The following EPC2 variants were observed in gnomAD, a reference collection of about 807,000 sequenced individuals.
EPC2 encodes the protein enhancer of polycomb homolog 2.
A neutral mutation model predicts 92.1 loss-of-function variants in EPC2; 14 were observed. The ratio of observed to expected loss-of-function variants is 0.15; its 90% confidence interval spans 0.10 to 0.24. EPC2 has a LOEUF of 0.24. Ranked by LOEUF, EPC2 falls within the 10% of genes least tolerant of loss-of-function variation. EPC2 has a pLI of 1.00. For synonymous variants in EPC2, 340 were observed against 334.7 expected (o/e 1.02, Z -0.17); for missense variants, 755 against 971.5 (o/e 0.78, Z 2.96).
intron 1 of EPC2, among the ~76,000 whole-genome samples, chr2:148,662,289 C>T (rs1305614638): frequency 6.6e-6 from 1 of 152,088 alleles, no homozygotes; most frequent in African/African-American, 2.4e-5. Flanking sequence ...ACTAGAAATA[C>T]CATTTGACCC....
chr2:148,757,331 G>A (rs1252246635), intron 4 of EPC2, among the ~76,000 whole-genome samples: 2 of 152,142 alleles, frequency 1.3e-5, no homozygotes, highest in African/African-American at 4.8e-5. Flanking sequence ...AGCCGAGATC[G>A]CGCCACTGCA....
intron 1 of EPC2, among the ~76,000 whole-genome samples, chr2:148,653,664 T>TA (rs1170631731): frequency 1.3e-4 from 20 of 152,102 alleles, no homozygotes; most frequent in South Asian, 2.1e-4. Flanking sequence ...GCCTATCTGC[T>TA]ACCTCTCTTA....
chr2:148,733,668 T>A (rs1490808658), intron 2 of EPC2, among the ~76,000 whole-genome samples: 1 of 151,734 alleles, frequency 6.6e-6, no homozygotes, highest in Non-Finnish European at 1.5e-5. Context: ...CCAGCTGTTT[T>A]TTTGTAGTGA....
chr2:148,676,061 CAAT>C (rs1396696049), intron 1 of EPC2, among the ~76,000 whole-genome samples: 1 of 151,962 alleles, frequency 6.6e-6, no homozygotes, highest in African/African-American at 2.4e-5. Context: ...ACAACAACAA[CAAT>C]AACATACTAC....
Position 148,754,039 on chromosome 2 carries a change from T to C in EPC2, c.572T>C (p.Ile191Thr), listed in dbSNP as rs1683129548. Residue 191 changes from isoleucine (I) to threonine (T), a missense_variant, in exon 4 of 14, where the codon ATT (isoleucine) becomes ACT (threonine). Coordinates refer to ENST00000258484, the MANE Select transcript of EPC2 (RefSeq NM_015630.4). Reference protein sequence around the residue: ...KRKNCRGPSLIPQIKQEKRDG... With the variant: ...KRKNCRGPSLTPQIKQEKRDG... ...AAAAACTGCAGGGGGCCATCCCTCA[T>C]TCCTCAGATAAAACAAGAGAAAAGA... 2 of 1,611,630 alleles carry C rather than the reference T, an allele frequency of 1.2e-6. No individual in the cohort carries two copies. The highest frequency in any genetic ancestry group is 1.7e-6 in the Non-Finnish European group (2 of 1,178,870).
At chr2:148,712,534 T>C (rs996424772) in intron 2 of EPC2, among the ~76,000 whole-genome samples, 6 of 152,168 alleles carry the variant, frequency 3.9e-5, no homozygotes, top group Non-Finnish European at 7.4e-5. Context: ...ATTGGAATGT[T>C]GTAGAACAGT....
rs60418586 is a variant in EPC2 at position 148,704,908 on chromosome 2, C to CT, written c.313+14547dup. On this transcript the variant is annotated intron_variant, in intron 2 of 13. Coordinates refer to ENST00000258484, the MANE Select transcript of EPC2 (RefSeq NM_015630.4). ...GTGTATCTTTTTTCTTTTTCTTTTTCTTTTTTTTTTTTCTAATTTTGTTTG... is the reference window on the plus strand; with the variant it reads ...GTGTATCTTTTTTCTTTTTCTTTTTCTTTTTTTTTTTTTCTAATTTTGTTTG... 8.7e-3 allele frequency among the ~76,000 whole-genome samples: 1,259 copies of CT among 144,336 alleles called. 8 individuals carry two copies. Among genetic ancestry groups the CT allele is most frequent in the African/African-American group, 0.028 (1,109 of 39,586 alleles). 94.7% of individuals were successfully genotyped at this position (144,336 alleles called of 152,430 possible). A position where few individuals can be genotyped will look rare whatever the true frequency, so the allele number is the denominator to read the frequency against.
intron 1 of EPC2, among the ~76,000 whole-genome samples, chr2:148,675,429 G>A (rs1320460798): frequency 1.3e-5 from 2 of 152,088 alleles, no homozygotes; most frequent in Non-Finnish European, 2.9e-5. Context: ...TAGAGATATA[G>A]CTGAATCTTG....
chr2:148,669,917 G>A (rs1681122471), intron 1 of EPC2, among the ~76,000 whole-genome samples: 1 of 152,096 alleles, frequency 6.6e-6, no homozygotes, highest in Non-Finnish European at 1.5e-5. Context: ...AGACTCTTTT[G>A]GATGGTTGTT....
intron 3 of EPC2, among the ~76,000 whole-genome samples, chr2:148,752,013 A>G (rs1683090097): frequency 6.6e-6 from 1 of 152,182 alleles, no homozygotes. Context: ...GGCAATACAC[A>G]TTGTAAGCTG....
chr2:148,785,856 A>T (rs1261571055), intron 13 of EPC2, among the ~76,000 whole-genome samples: 1 of 152,192 alleles, frequency 6.6e-6, no homozygotes, highest in Non-Finnish European at 1.5e-5. Context: ...TCAGAAAAAA[A>T]TTGATTTGCA....
At chr2:148,784,402 T>C (rs1219920221) in intron 12 of EPC2, among the ~76,000 whole-genome samples, 1 of 152,228 alleles carries the variant, frequency 6.6e-6, no homozygotes, top group East Asian at 1.9e-4. Flanking sequence ...CCTGTTATAC[T>C]TAACTCCACA....
chr2:148,772,585 G>A (rs1683548798), intron 10 of EPC2, among the ~76,000 whole-genome samples: 1 of 152,048 alleles, frequency 6.6e-6, no homozygotes, highest in Non-Finnish European at 1.5e-5. Flanking sequence ...AGGTTATAAT[G>A]GAAAATTGGA....
At chr2:148,759,393 A>G (rs1683257310) in intron 4 of EPC2, among the ~76,000 whole-genome samples, 1 of 152,150 alleles carries the variant, frequency 6.6e-6, no homozygotes, top group African/African-American at 2.4e-5. Context: ...GCGCCCGGCC[A>G]AAAAAAGTAC....
At chr2:148,662,313 C>A (rs1680954037) in intron 1 of EPC2, among the ~76,000 whole-genome samples, 1 of 152,174 alleles carries the variant, frequency 6.6e-6, no homozygotes, top group South Asian at 2.1e-4. Flanking sequence ...CATCCCATTA[C>A]TGGGTATATA....
intron 2 of EPC2, among the ~76,000 whole-genome samples, chr2:148,694,564 T>C (rs998123191): frequency 6.6e-6 from 1 of 152,246 alleles, no homozygotes; most frequent in Admixed American, 6.5e-5. Context: ...CCAAATGTTA[T>C]AATTTTCATT....
intron 1 of EPC2, among the ~76,000 whole-genome samples, chr2:148,685,916 C>T (rs953171726): frequency 5.3e-5 from 8 of 152,192 alleles, no homozygotes; most frequent in East Asian, 1.9e-4. Context: ...TCTGAGCTTT[C>T]GGTTATTCAC....
At chr2:148,776,862 T>C (rs1459381624) in intron 10 of EPC2, among the ~76,000 whole-genome samples, 1 of 141,110 alleles carries the variant, frequency 7.1e-6, no homozygotes, top group Admixed American at 7.1e-5. Flanking sequence ...CTCTCTTTTT[T>C]TTTTTTTTTT....
At chr2:148,703,951 T>C (rs1681941072) in intron 2 of EPC2, among the ~76,000 whole-genome samples, 1 of 152,178 alleles carries the variant, frequency 6.6e-6, no homozygotes, top group African/African-American at 2.4e-5. Flanking sequence ...TGTGGACTGT[T>C]GGGAATGTAA....
Sources: allele counts gnomAD v4.1 joint callset (sites outside exome capture counted in the v4.1 genomes callset), GRCh38; gene constraint gnomAD v4.1.1; transcripts MANE v1.5; gene names NCBI Gene and HGNC (gene_info 2026-07-23, HGNC 2026-07-21).